The following CD177 variants were observed in gnomAD, a reference collection of about 807,000 sequenced individuals.
CD177 encodes CD177 molecule.
Under a neutral mutation model 38.1 loss-of-function variants are expected in CD177, and 41 were observed. The ratio of observed to expected loss-of-function variants is 1.07; its 90% CI spans 0.84 to 1.39. CD177 has a LOEUF of 1.39. Among genes scored for constraint, CD177 ranks in the 40% most tolerant of loss-of-function variants. CD177 has a pLI of 0.00. For synonymous variants in CD177, 236 were observed against 216.7 expected, an observed-to-expected ratio of 1.09 and a Z score of -0.78; for missense variants, 619 against 523.8, an observed-to-expected ratio of 1.18 and a Z score of -1.77.
At position 43,361,210 on chromosome 19, in the gene CD177, C is replaced by G. The variant is rs1363366027; in HGVS notation, c.828C>G (p.Thr276=). 11 of 1,552,806 alleles carry G rather than the reference C, an allele frequency of 7.1e-6. No homozygotes were observed. The East Asian group carries it at 2.5e-4, about 35-fold the overall frequency. ...TTGGGGCTCAAAATTCCCAGAAGAC[C>G]ACCATCCACTCAGCCCCTCCTGGGG... ...STVGAQNSQK[T]TIHSAPPGVL... The change falls in exon 7 of 9, where the codon ACC becomes ACG. Residue 276 remains threonine (T), a synonymous_variant. Coordinates refer to ENST00000618265, the MANE Select transcript of CD177 (RefSeq NM_020406.4).
Position 43,353,686 on chromosome 19 carries a change from A to G in CD177, c.-29A>G. On this transcript the variant is annotated 5_prime_UTR_variant, in exon 1 of 9. Coordinates refer to ENST00000618265, the MANE Select transcript of CD177 (RefSeq NM_020406.4). ...AGGACTTGTTTCCTGCTGAAAAAGC[A>G]GAAAGAGATTACCAGCCACAGACGG... is the stretch of plus-strand genomic sequence containing the variant. 1 of 1,613,692 alleles carries G rather than the reference A, an allele frequency of 6.2e-7. No individual in the cohort carries two copies. The highest frequency in any genetic ancestry group is 1.3e-5 in the African/African-American group (1 of 74,964).
intron 3 of CD177, among the ~76,000 whole-genome samples, chr19:43,354,679 G>C (rs1027034609): frequency 7.9e-5 from 12 of 152,044 alleles, no homozygotes; most frequent in Admixed American, 6.5e-4. Context: ...CCATTAACTG[G>C]GTTATCCTGC....
At position 43,362,936 on chromosome 19, in the gene CD177, G is replaced by C. The variant is rs543814024; in HGVS notation, c.*616G>C. 2.6e-5 allele frequency: 4 copies of C among 152,328 alleles called. No homozygotes were observed. In the South Asian group the frequency reaches 8.3e-4, roughly 32 times the overall value. 9.4% of individuals were successfully genotyped at this position (152,328 alleles called of 1,614,324 possible). A position where few individuals can be genotyped will look rare whatever the true frequency, so the allele number is the denominator to read the frequency against. ...CGTGTCGTTAGAAATGTGTCGTTAG[G>C]TGATTTTATGACCATAGGAACATTG... On this transcript the variant is annotated 3_prime_UTR_variant, in exon 9 of 9. Coordinates refer to ENST00000618265, the MANE Select transcript of CD177 (RefSeq NM_020406.4).
rs964938085 is a variant in CD177 at position 43,361,626 on chromosome 19, G to A, written c.1081+47G>A. ...CCAAGGATGAAGGCACTGGTGGCCT[G>A]GACTCCTGGGTCTGAGGGAGGAGGG... On this transcript the variant is annotated intron_variant, in intron 8 of 8. Coordinates refer to ENST00000618265, the MANE Select transcript of CD177 (RefSeq NM_020406.4). The A allele has an allele frequency of 7.8e-6, 12 of 1,540,790 alleles. No homozygotes were observed. In the Admixed American group the frequency reaches 1.2e-4, roughly 15 times the overall value.
intron 5 of CD177, 23 bp from the exon 6 acceptor site, chr19:43,360,242 C>G (rs371337221): frequency 1.5e-4 from 243 of 1,610,756 alleles, no homozygotes; most frequent in African/African-American, 4.0e-4. Context: ...GGCTTACACA[C>G]ACCCTGGGAT....
chr19:43,361,360 C>G (rs754282820), intron 7 of CD177, 32 bp downstream of exon 7: 2 of 1,589,132 alleles, frequency 1.3e-6, no homozygotes, highest in Non-Finnish European at 1.7e-6. Context: ...AGAAATGAGG[C>G]CCAGACACAC....
Position 43,354,366 on chromosome 19 carries a change from C to T in CD177, c.353C>T (p.Pro118Leu). ...DFCNNLVNSL[P>L]LWAPQPPADP... is the part of the protein sequence containing the mutation. ...TGCAACAACCTCGTTAACTCCCTCC[C>T]GCTTTGGGCCCCACAGCCCCCAGCA... The change falls in exon 3 of 9, where the codon CCG becomes CTG. Residue 118 changes from proline (P) to leucine (L), a missense_variant. Transcript: ENST00000618265. 6.2e-7 allele frequency: 1 copy of T among 1,613,958 alleles called. No individual in the cohort carries two copies. Among genetic ancestry groups the T allele is most frequent in the Non-Finnish European group, 8.5e-7 (1 of 1,179,886 alleles).
At chr19:43,363,697 G>A (rs1970005601), downstream of CD177, among the ~76,000 whole-genome samples, 1 of 152,004 alleles carries the variant, frequency 6.6e-6, no homozygotes, top group Non-Finnish European at 1.5e-5. Flanking sequence ...AGAGGGAAGA[G>A]GAGAAGAGAG....
At chr19:43,360,919 G>C in intron 6 of CD177, 1 of 608,984 alleles carries the variant, frequency 1.6e-6, no homozygotes. Flanking sequence ...GAGACTCATG[G>C]AGAAGGTGAC....
At chr19:43,356,209 C>T in intron 5 of CD177, 101 bp downstream of exon 5, 1 of 338,808 alleles carries the variant, frequency 3.0e-6, no homozygotes, top group Non-Finnish European at 5.1e-6. Context: ...GGAGGAAGGT[C>T]AAGGGTGCAG....
rs1367095103 is a variant in CD177, at chr19:43,356,083, T to A, written c.594T>A (p.Gly198=). Reference sequence around the variant, plus strand: ...GGACACAGGAAATTGGGCCCGTGGGTATGACTGAGAACTGCGATATGAAAG... The same window carrying A: ...GGACACAGGAAATTGGGCCCGTGGGAATGACTGAGAACTGCGATATGAAAG... The part of the protein sequence containing the change: ...LNGTQEIGPV[G]MTENCDMKDF... The change falls in exon 5 of 9, where the codon GGT becomes GGA. Residue 198 remains glycine (G), a synonymous_variant. Coordinates refer to ENST00000618265, the MANE Select transcript of CD177 (RefSeq NM_020406.4). The A allele has an allele frequency of 1.6e-6, 1 of 635,450 alleles. No individual in the cohort carries two copies. The highest frequency in any genetic ancestry group is 2.3e-5 in the African/African-American group (1 of 43,766). 39.4% of individuals were successfully genotyped at this position (635,450 alleles called of 1,614,324 possible). A position where few individuals can be genotyped will look rare whatever the true frequency, so the allele number is the denominator to read the frequency against.
At chr19:43,354,073 C>A in intron 2 of CD177, 80 bp downstream of exon 2, 1 of 1,574,460 alleles carries the variant, frequency 6.4e-7, no homozygotes, top group Non-Finnish European at 8.6e-7. Flanking sequence ...GGGAGCCACC[C>A]CTCCGGGGGA....
intron 3 of CD177, 185 bp downstream of exon 3, chr19:43,354,577 A>T: frequency 1.7e-6 from 1 of 585,832 alleles, no homozygotes; most frequent in Non-Finnish European, 2.9e-6. Flanking sequence ...CTCCCCACTC[A>T]CTCCCGATCC....
rs993563220 is a variant in CD177 at position 43,361,553 on chromosome 19, A to T, written c.1055A>T (p.Tyr352Phe). The stretch of plus-strand genomic sequence containing the variant: ...TGCCCCAGGGGCGCCACTCATTGTT[A>T]TGATGGGTACATTCATCTCTCAGGA... Reference protein sequence around the residue: ...MTCPRGATHCYDGYIHLSGGG... With the variant: ...MTCPRGATHCFDGYIHLSGGG... The change falls in exon 8 of 9, where the codon TAT becomes TTT. Residue 352 changes from tyrosine to phenylalanine, a missense_variant. Transcript: ENST00000618265. The T allele has an allele frequency of 5.1e-6, 8 of 1,579,220 alleles. No individual in the cohort carries two copies. In the South Asian group the frequency reaches 8.1e-5, roughly 16 times the overall value.
chr19:43,362,507 C>T lies in CD177; in HGVS notation c.*187C>T. 4 of 503,934 alleles carry T rather than the reference C, an allele frequency of 7.9e-6. No homozygotes were observed. Among genetic ancestry groups the T allele is most frequent in the Non-Finnish European group, 1.4e-5 (4 of 284,410 alleles). 31.2% of individuals were successfully genotyped at this position (503,934 alleles called of 1,614,324 possible). ...CTGGGGAGAGCCTGGAGCATCCGGACTTGCCCTATGGGAGAGGGGACGCTG... is the reference window on the plus strand; with the variant it reads ...CTGGGGAGAGCCTGGAGCATCCGGATTTGCCCTATGGGAGAGGGGACGCTG... On this transcript the variant is annotated 3_prime_UTR_variant, in exon 9 of 9. Coordinates refer to ENST00000618265, the MANE Select transcript of CD177 (RefSeq NM_020406.4).
At chr19:43,360,963 G>C (rs1231595702) in intron 6 of CD177, 180 bp from the exon 7 acceptor site, 32 of 613,812 alleles carry the variant, frequency 5.2e-5, no homozygotes, top group Non-Finnish European at 8.3e-5. Flanking sequence ...GCAGAGCTTC[G>C]GGCAGGACCC....
chr19:43,354,153 C>A, intron 2 of CD177, 54 bp from the exon 3 acceptor site: 1 of 1,583,802 alleles, frequency 6.3e-7, no homozygotes, highest in Non-Finnish European at 8.6e-7. Flanking sequence ...CGTCTCCCTC[C>A]AGGACCCTGG....
chr19:43,355,824 G>C, intron 4 of CD177, 41 bp downstream of exon 4: 5 of 1,612,290 alleles, frequency 3.1e-6, no homozygotes, highest in Non-Finnish European at 3.4e-6. Flanking sequence ...GACTGAACTG[G>C]AAGGTCTGGG....
Position 43,362,516 on chromosome 19 carries a change from T to C in CD177, c.*196T>C. ...GCCTGGAGCATCCGGACTTGCCCTA[T>C]GGGAGAGGGGACGCTGGAGGAGTGG... On this transcript the variant is annotated 3_prime_UTR_variant, in exon 9 of 9. Transcript: ENST00000618265. The C allele has an allele frequency of 2.1e-6, 1 of 486,184 alleles. No homozygotes were observed. Among genetic ancestry groups the C allele is most frequent in the Non-Finnish European group, 3.6e-6 (1 of 274,622 alleles). The allele number at this position is 486,184 out of a possible 1,614,324, so 30.1% of individuals were successfully genotyped here. A position where few individuals can be genotyped will look rare whatever the true frequency, so the allele number is the denominator to read the frequency against.
Sources: allele counts gnomAD v4.1 joint callset (sites outside exome capture counted in the v4.1 genomes callset), GRCh38; gene constraint gnomAD v4.1.1; transcripts MANE v1.5; gene names NCBI Gene and HGNC (gene_info 2026-07-23, HGNC 2026-07-21).